PDE10A: variants seen among roughly 807,000 people sequenced by gnomAD.
PDE10A encodes cAMP and cAMP-inhibited cGMP 3',5'-cyclic phosphodiesterase 10A.
Under a neutral mutation model 97.7 loss-of-function variants are expected in PDE10A, and 39 were observed. The observed-to-expected ratio is 0.40, with a 90% CI of 0.31 to 0.52. The LOEUF is 0.52. PDE10A is among the 20% of genes least tolerant of loss of function. The pLI is 0.56. For missense variants in PDE10A, 731 were observed against 1,047.8 expected (o/e 0.70, Z 4.17); for synonymous variants, 371 against 376.8 (o/e 0.98, Z 0.18).
intron 9 of PDE10A, among the ~76,000 whole-genome samples, chr6:165,429,397 A>G (rs1423710982): frequency 2.0e-5 from 3 of 152,098 alleles, no homozygotes; most frequent in Non-Finnish European, 4.4e-5. Context: ...TGTTTAACCT[A>G]GTTGGCTCAG....
chr6:165,368,860 C>T (rs1006773858), intron 18 of PDE10A, among the ~76,000 whole-genome samples: 5 of 152,234 alleles, frequency 3.3e-5, no homozygotes, highest in African/African-American at 4.8e-5. Context: ...TCACACGGCC[C>T]GGTACTCCTC....
At chr6:165,442,615 G>A (rs1790554643) in intron 5 of PDE10A, among the ~76,000 whole-genome samples, 3 of 152,132 alleles carry the variant, frequency 2.0e-5, no homozygotes, top group Admixed American at 6.5e-5. Flanking sequence ...GGGGAAATCC[G>A]CCCCCATGAT....
At chr6:165,501,868 TGTA>T (rs1190804143) in intron 2 of PDE10A, among the ~76,000 whole-genome samples, 1 of 152,142 alleles carries the variant, frequency 6.6e-6, no homozygotes, top group African/African-American at 2.4e-5. Context: ...ATAAATAAGT[TGTA>T]GAAGTTATGC....
chr6:165,923,845 TA>T (rs1782835210), intron 1 of PDE10A, among the ~76,000 whole-genome samples: 1 of 152,152 alleles, frequency 6.6e-6, no homozygotes, highest in African/African-American at 2.4e-5. Flanking sequence ...AGAGAAAATA[TA>T]AAATGCATTC....
chr6:165,666,781 C>T (rs1382068878), upstream of PDE10A, among the ~76,000 whole-genome samples: 2 of 152,132 alleles, frequency 1.3e-5, no homozygotes, highest in African/African-American at 2.4e-5. Context: ...TTTATCTGCA[C>T]ATATCAACAT....
chr6:165,958,705 A>AGGG (rs1562327666), intron 1 of PDE10A, among the ~76,000 whole-genome samples: 1 of 141,026 alleles, frequency 7.1e-6, no homozygotes. Flanking sequence ...AGAAAGAAAG[A>AGGG]AAGAAAGAGA....
intron 17 of PDE10A, among the ~76,000 whole-genome samples, chr6:165,387,690 A>C (rs770627657): frequency 6.6e-6 from 1 of 152,218 alleles, no homozygotes; most frequent in African/African-American, 2.4e-5. Context: ...ACTATACTTA[A>C]GCCAAACCCA....
At chr6:165,525,640 T>C in intron 2 of PDE10A, among the ~76,000 whole-genome samples, 1 of 152,152 alleles carries the variant, frequency 6.6e-6, no homozygotes, top group East Asian at 1.9e-4. Context: ...CTCTTCTCTG[T>C]ACATCAAATC....
intron 1 of PDE10A, among the ~76,000 whole-genome samples, chr6:165,789,363 A>G (rs956134251): frequency 2.6e-5 from 4 of 152,242 alleles, no homozygotes; most frequent in Non-Finnish European, 4.4e-5. Flanking sequence ...CAACTATTTT[A>G]ATATGGGAGC....
chr6:165,923,554 G>T lies in PDE10A; in HGVS notation c.-615+63975C>A, dbSNP rs1305656130. 4.6e-5 allele frequency among the ~76,000 whole-genome samples: 7 copies of T among 152,336 alleles called. No homozygotes were observed. In the East Asian group the frequency reaches 7.7e-4, roughly 17 times the overall value. ...CTTAGTTCTGTGGCAGCCAGAGAAG[G>T]CTCCTGGCTGTGGTTGGGAGGTGAC... On this transcript the variant is annotated intron_variant, in intron 1 of 19. Coordinates refer to the PDE10A transcript ENST00000366882.
chr6:165,767,055 G>A (rs1777872422), intron 1 of PDE10A, among the ~76,000 whole-genome samples: 1 of 152,160 alleles, frequency 6.6e-6, no homozygotes, highest in South Asian at 2.1e-4. Flanking sequence ...GAACAGAGAT[G>A]CTTTCTTGTG....
At chr6:165,525,897 T>C (rs2128311414) in intron 2 of PDE10A, among the ~76,000 whole-genome samples, 1 of 152,326 alleles carries the variant, frequency 6.6e-6, no homozygotes, top group South Asian at 2.1e-4. Context: ...GTATTCCTAC[T>C]TAATTTTTCT....
intron 1 of PDE10A, among the ~76,000 whole-genome samples, chr6:165,553,993 C>G (rs946926263): frequency 9.2e-5 from 14 of 152,064 alleles, no homozygotes; most frequent in Non-Finnish European, 1.8e-4. Context: ...ATTTAATGCT[C>G]CATCTCTTTA....
At chr6:165,448,817 G>A in intron 5 of PDE10A, 111 bp downstream of exon 5, 2 of 671,468 alleles carry the variant, frequency 3.0e-6, no homozygotes, top group Non-Finnish European at 5.1e-6. Flanking sequence ...AACACAAAAT[G>A]ATTTAAATGA....
intron 1 of PDE10A, among the ~76,000 whole-genome samples, chr6:165,904,555 A>AT (rs543213120): frequency 3.1e-4 from 47 of 152,224 alleles, no homozygotes; most frequent in Middle Eastern, 3.4e-3. Flanking sequence ...TTATGGTACA[A>AT]TTTTTTTCCC....
upstream of PDE10A, among the ~76,000 whole-genome samples, chr6:165,663,884 T>A (rs976166691): frequency 2.0e-5 from 3 of 152,128 alleles, no homozygotes; most frequent in African/African-American, 7.2e-5. Context: ...ATCCAGGCAG[T>A]TGCCACTGAA....
intron 18 of PDE10A, among the ~76,000 whole-genome samples, chr6:165,346,068 G>A (rs1366143050): frequency 6.6e-6 from 1 of 152,222 alleles, no homozygotes; most frequent in South Asian, 2.1e-4. Flanking sequence ...GGAGAAACAG[G>A]CTGGAGACAA....
At chr6:165,336,316 T>C (rs929679443) in intron 20 of PDE10A, 105 bp from the exon 21 acceptor site, 4 of 741,674 alleles carry the variant, frequency 5.4e-6, no homozygotes, top group African/African-American at 1.8e-5. Context: ...GGCCTAATTA[T>C]AAAATTGCAT....
At chr6:165,965,520 T>A (rs76516623) in intron 1 of PDE10A, among the ~76,000 whole-genome samples, 2,585 of 152,218 alleles carry the variant, frequency 0.017, 71 homozygotes, top group African/African-American at 0.058. Flanking sequence ...CCAATCTAGA[T>A]CCTAAGGTTT....
Sources: gnomAD v4.1 joint callset for allele counts (sites outside exome capture counted in the v4.1 genomes callset) on GRCh38, gnomAD v4.1.1 for gene constraint, MANE v1.5 for transcripts, NCBI Gene and HGNC (gene_info 2026-07-23, HGNC 2026-07-21) for gene names.